DOCK5: variants seen among roughly 807,000 people sequenced by gnomAD.
DOCK5 encodes dedicator of cytokinesis 5.
Under a neutral mutation model 251.8 loss-of-function variants are expected in DOCK5, and 142 were observed. The observed-to-expected ratio is 0.56, with a 90% CI of 0.49 to 0.65. DOCK5 has a LOEUF of 0.65. DOCK5 is among the 30% of genes least tolerant of loss of function. The pLI, the probability that DOCK5 is intolerant of heterozygous loss-of-function variation, is 0.00. For missense variants in DOCK5, 2,111 were observed against 2,312.3 expected, an observed-to-expected ratio of 0.91 and a Z score of 1.79; for synonymous variants, 842 against 835.5, an observed-to-expected ratio of 1.01 and a Z score of -0.13.
At position 25,368,705 on chromosome 8, in the gene DOCK5, G is replaced by A; in HGVS notation, c.3418G>A (p.Gly1140Arg). The A allele has an allele frequency of 6.2e-7, 1 of 1,612,874 alleles. No homozygotes were observed. The highest frequency in any genetic ancestry group is 8.5e-7 in the Non-Finnish European group (1 of 1,179,536). ...DMMQCEFNFSGNGNFHMFENE... is the reference protein window; with the variant it reads ...DMMQCEFNFSRNGNFHMFENE... The stretch of plus-strand genomic sequence containing the variant: ...GATGCAGTGTGAGTTCAATTTCAGT[G>A]GAAATGGCAATTTCCATATGGTAAG... Residue 1140 changes from glycine (G) to arginine (R), a missense_variant, in exon 33 of 52, where the codon GGA becomes AGA. Coordinates refer to ENST00000276440, the MANE Select transcript of DOCK5 (RefSeq NM_024940.8).
At chr8:25,321,105 G>A in intron 16 of DOCK5, 53 bp downstream of exon 16, 2 of 1,481,932 alleles carry the variant, frequency 1.3e-6, no homozygotes, top group South Asian at 1.2e-5. Context: ...ATTTGCTCTG[G>A]CTTGACAGCC....
At chr8:25,402,070 T>C (rs1369396821) in intron 47 of DOCK5, among the ~76,000 whole-genome samples, 1 of 152,164 alleles carries the variant, frequency 6.6e-6, no homozygotes, top group Non-Finnish European at 1.5e-5. Flanking sequence ...GCTCTACTTA[T>C]CTGCATTTTT....
In DOCK5 at chr8:25,239,337, GTGTA is replaced by G. The variant is rs1417592049; in HGVS notation, c.44-4333_44-4330del. ...CGTGTATATGTGTGTGTGTGTGTGT[GTGTA>G]TGTGTGTGTGTGTGTGTGTGTGTGT... is the stretch of plus-strand genomic sequence containing the variant. On this transcript the variant is annotated intron_variant, in intron 1 of 51. Transcript: ENST00000276440. Among the ~76,000 whole-genome samples the G allele has an allele frequency of 1.2e-3, 138 of 114,508 alleles. 1 individual carries two copies. The South Asian group carries it at 0.013, about 11-fold the overall frequency. 75.1% of individuals were successfully genotyped at this position (114,508 alleles called of 152,430 possible).
intron 2 of DOCK5, among the ~76,000 whole-genome samples, chr8:25,244,680 A>T (rs1247938170): frequency 6.6e-6 from 1 of 152,232 alleles, no homozygotes; most frequent in Non-Finnish European, 1.5e-5. Flanking sequence ...GGATGGGATG[A>T]CACAGGATGA....
intron 2 of DOCK5, among the ~76,000 whole-genome samples, chr8:25,258,397 T>G (rs1803477363): frequency 6.6e-6 from 1 of 152,106 alleles, no homozygotes; most frequent in Non-Finnish European, 1.5e-5. Context: ...GGAATGAAAT[T>G]TAAGAGATTT....
chr8:25,212,189 G>A (rs1266809205), intron 1 of DOCK5, among the ~76,000 whole-genome samples: 2 of 66,996 alleles, frequency 3.0e-5, no homozygotes, highest in African/African-American at 6.7e-5. Flanking sequence ...CAGCTTCCAT[G>A]TAAAGAACTA....
intron 47 of DOCK5, among the ~76,000 whole-genome samples, chr8:25,401,437 T>G (rs920313158): frequency 6.6e-6 from 1 of 152,062 alleles, no homozygotes; most frequent in Admixed American, 6.6e-5. Context: ...TGAGAACCAC[T>G]GTACTAGAAA....
intron 40 of DOCK5, among the ~76,000 whole-genome samples, chr8:25,386,579 C>T (rs547431900): frequency 1.3e-5 from 2 of 152,102 alleles, no homozygotes; most frequent in Non-Finnish European, 2.9e-5. Context: ...GCCTGGATGA[C>T]AGAGTGAGAC....
intron 1 of DOCK5, among the ~76,000 whole-genome samples, chr8:25,225,210 A>G (rs1219140611): frequency 6.6e-6 from 1 of 152,220 alleles, no homozygotes; most frequent in Non-Finnish European, 1.5e-5. Context: ...AAAATTAAAG[A>G]TAGAATTACC....
At chr8:25,356,933 A>G (rs1800585975) in intron 27 of DOCK5, among the ~76,000 whole-genome samples, 1 of 142,428 alleles carries the variant, frequency 7.0e-6, no homozygotes, top group African/African-American at 2.7e-5. Flanking sequence ...ATATATATAT[A>G]TATATATATA....
intron 26 of DOCK5, among the ~76,000 whole-genome samples, chr8:25,347,903 G>A (rs904950859): frequency 2.6e-5 from 4 of 152,120 alleles, no homozygotes; most frequent in African/African-American, 9.7e-5. Context: ...CACCCAGAAA[G>A]ACTCTTTGGA....
chr8:25,271,077 A>G (rs1803896190), intron 3 of DOCK5: 1 of 401,148 alleles, frequency 2.5e-6, no homozygotes, highest in Non-Finnish European at 4.4e-6. Context: ...GTGTATATAA[A>G]AATCAGTCTA....
chr8:25,273,496 G>C (rs532751574), intron 3 of DOCK5, among the ~76,000 whole-genome samples: 20 of 152,322 alleles, frequency 1.3e-4, no homozygotes, highest in Non-Finnish European at 2.5e-4. Context: ...CCAGCTACTT[G>C]GGATGCTGAG....
intron 1 of DOCK5, among the ~76,000 whole-genome samples, chr8:25,237,878 G>GAA (rs1802842677): frequency 6.6e-6 from 1 of 152,206 alleles, no homozygotes; most frequent in Non-Finnish European, 1.5e-5. Context: ...TTACAGATAA[G>GAA]AAACTGAGGC....
chr8:25,406,373 A>T (rs964335624), intron 48 of DOCK5, among the ~76,000 whole-genome samples: 25 of 152,214 alleles, frequency 1.6e-4, no homozygotes, highest in African/African-American at 6.0e-4. Flanking sequence ...AATAGTCTTG[A>T]ATATAAGTTA....
intron 1 of DOCK5, 42 bp from the exon 2 acceptor site, chr8:25,243,632 T>G (rs1199884110): frequency 8.2e-6 from 13 of 1,581,648 alleles, no homozygotes; most frequent in Non-Finnish European, 1.1e-5. Flanking sequence ...CCCAGCCAAG[T>G]GACATGCATT....
chr8:25,254,773 C>CAAAAA (rs745860086), intron 2 of DOCK5, among the ~76,000 whole-genome samples: 549 of 6,546 alleles, frequency 0.084, 229 homozygotes, highest in East Asian at 0.16. Context: ...GACTTTGTCT[C>CAAAAA]AAAAAAAAAC....
chr8:25,393,725 C>A (rs1390169981), intron 44 of DOCK5, among the ~76,000 whole-genome samples: 53 of 152,164 alleles, frequency 3.5e-4, no homozygotes, highest in Admixed American at 3.3e-3. Context: ...GTGACCTGCC[C>A]TTTGTCTGTC....
intron 1 of DOCK5, among the ~76,000 whole-genome samples, chr8:25,242,242 G>A (rs565319407): frequency 3.3e-5 from 5 of 152,000 alleles, no homozygotes; most frequent in Admixed American, 1.3e-4. Context: ...TCTTTTGGCC[G>A]GGGGGCACCT....
Sources: gnomAD v4.1 joint callset for allele counts (sites outside exome capture counted in the v4.1 genomes callset) on GRCh38, gnomAD v4.1.1 for gene constraint, MANE v1.5 for transcripts, NCBI Gene and HGNC (gene_info 2026-07-23, HGNC 2026-07-21) for gene names.